MYO1D: variants seen among roughly 807,000 people sequenced by gnomAD.
The protein encoded by MYO1D is myosin ID, also known as unconventional myosin-Id.
Under a neutral mutation model 122.0 loss-of-function variants are expected in MYO1D, and 83 were observed. That is an observed-to-expected ratio of 0.68 (90% CI 0.57 to 0.82). The LOEUF is 0.82. MYO1D is among the 40% of genes least tolerant of loss of function. The pLI, the probability that MYO1D is intolerant of heterozygous loss-of-function variation, is 0.00. For missense variants in MYO1D, 1,157 were observed against 1,269.5 expected (o/e 0.91, Z 1.35); for synonymous variants, 464 against 446.9 (o/e 1.04, Z -0.48).
intron 16 of MYO1D, among the ~76,000 whole-genome samples, chr17:32,706,159 G>GT (rs1567958260): frequency 6.6e-6 from 1 of 152,182 alleles, no homozygotes; most frequent in East Asian, 1.9e-4. Context: ...CCAGGCTGGA[G>GT]TGCAGTGGCA....
intron 21 of MYO1D, among the ~76,000 whole-genome samples, chr17:32,564,913 T>C (rs1234641451): frequency 6.6e-6 from 1 of 152,240 alleles, no homozygotes; most frequent in Non-Finnish European, 1.5e-5. Flanking sequence ...CATCTCACAA[T>C]TACGTTAAAC....
intron 20 of MYO1D, among the ~76,000 whole-genome samples, chr17:32,622,704 G>A (rs2087868690): frequency 6.6e-6 from 1 of 152,198 alleles, no homozygotes; most frequent in Non-Finnish European, 1.5e-5. Flanking sequence ...GACTTCATCC[G>A]ACTCTGATTT....
At chr17:32,565,246 C>T (rs953879163) in intron 21 of MYO1D, among the ~76,000 whole-genome samples, 8 of 152,216 alleles carry the variant, frequency 5.3e-5, no homozygotes, top group African/African-American at 1.9e-4. Context: ...TCAGGTGATC[C>T]TCCTGCCTCG....
chr17:32,543,384 G>A (rs897855830), intron 21 of MYO1D, among the ~76,000 whole-genome samples: 7 of 151,062 alleles, frequency 4.6e-5, no homozygotes, highest in Non-Finnish European at 7.4e-5. Flanking sequence ...AGACCATCCT[G>A]GCTAACACGG....
intron 16 of MYO1D, among the ~76,000 whole-genome samples, chr17:32,668,559 T>C (rs1285297245): frequency 6.6e-6 from 1 of 152,200 alleles, no homozygotes; most frequent in Non-Finnish European, 1.5e-5. Context: ...GTTCTAAAAG[T>C]ACATTCTGGA....
intron 17 of MYO1D, among the ~76,000 whole-genome samples, chr17:32,656,612 C>A (rs2088480113): frequency 6.6e-6 from 1 of 152,176 alleles, no homozygotes; most frequent in Non-Finnish European, 1.5e-5. Flanking sequence ...AAAGCAACAA[C>A]CATGAAGAAG....
intron 21 of MYO1D, among the ~76,000 whole-genome samples, chr17:32,596,688 C>T (rs975790920): frequency 3.3e-5 from 5 of 152,210 alleles, no homozygotes; most frequent in African/African-American, 1.2e-4. Context: ...TGGCTTGCAT[C>T]CACAGAAAGA....
chr17:32,672,967 T>C (rs946551025), intron 16 of MYO1D, among the ~76,000 whole-genome samples: 2 of 151,958 alleles, frequency 1.3e-5, no homozygotes, highest in East Asian at 1.9e-4. Flanking sequence ...CCAAACTATA[T>C]ACATATTGAA....
chr17:32,798,295 G>T (rs1206877905), intron 1 of MYO1D, among the ~76,000 whole-genome samples: 1 of 152,184 alleles, frequency 6.6e-6, no homozygotes. Flanking sequence ...GGCTTTCCTC[G>T]TCAGAAGTCT....
intron 19 of MYO1D, among the ~76,000 whole-genome samples, chr17:32,640,322 C>A (rs931434192): frequency 6.6e-6 from 1 of 152,156 alleles, no homozygotes; most frequent in South Asian, 2.1e-4. Flanking sequence ...ATTTTTCTTT[C>A]TTTTTTTCTT....
chr17:32,579,711 C>T (rs1461369198), intron 21 of MYO1D, among the ~76,000 whole-genome samples: 1 of 152,170 alleles, frequency 6.6e-6, no homozygotes, highest in East Asian at 1.9e-4. Flanking sequence ...CTTCCTGCTC[C>T]TATGGTTTGT....
intron 21 of MYO1D, among the ~76,000 whole-genome samples, chr17:32,555,732 G>C (rs1359847806): frequency 6.6e-6 from 1 of 152,114 alleles, no homozygotes; most frequent in Non-Finnish European, 1.5e-5. Context: ...GCCCACAATA[G>C]CCACACCCCT....
chr17:32,563,575 T>G (rs1023558511), intron 21 of MYO1D, among the ~76,000 whole-genome samples: 3 of 152,216 alleles, frequency 2.0e-5, no homozygotes, highest in African/African-American at 7.2e-5. Flanking sequence ...GATTGATCTG[T>G]GTGTGCTTCA....
chr17:32,665,825 G>A (rs982119444), intron 16 of MYO1D, among the ~76,000 whole-genome samples: 1 of 152,160 alleles, frequency 6.6e-6, no homozygotes, highest in Non-Finnish European at 1.5e-5. Context: ...TGATTAGGTT[G>A]GGAGTAGCCA....
At position 32,860,180 on chromosome 17, in the gene MYO1D, CA is replaced by C. The variant is rs201937594; in HGVS notation, c.95+16597del. Among the ~76,000 whole-genome samples the C allele has an allele frequency of 5.5e-3, 842 of 152,280 alleles. 23 individuals are homozygous for C. Among genetic ancestry groups the C allele is most frequent in the Admixed American group, 0.052 (791 of 15,290 alleles). On this transcript the variant is annotated intron_variant, in intron 1 of 21. Coordinates refer to ENST00000318217, the MANE Select transcript of MYO1D (RefSeq NM_015194.3). ...CCACCAGCTGAGGATGAAACCAGCA[CA>C]AGAAGGGCAAAACCAAGGGAATCAC...
chr17:32,796,845 T>C (rs912016849), intron 1 of MYO1D, among the ~76,000 whole-genome samples: 1 of 152,198 alleles, frequency 6.6e-6, no homozygotes, highest in Non-Finnish European at 1.5e-5. Context: ...CCTTACATGG[T>C]ACTGAGGTAT....
At chr17:32,716,435 C>A (rs779441408) in intron 15 of MYO1D, among the ~76,000 whole-genome samples, 17 of 152,076 alleles carry the variant, frequency 1.1e-4, no homozygotes, top group Non-Finnish European at 2.4e-4. Flanking sequence ...TTGTTTTGTT[C>A]CCCACTATAT....
intron 16 of MYO1D, among the ~76,000 whole-genome samples, chr17:32,698,965 T>A (rs1042064544): frequency 6.6e-6 from 1 of 152,168 alleles, no homozygotes. Flanking sequence ...ACATTTATTT[T>A]ATTTTAATTT....
At chr17:32,647,927 C>T (rs757777097) in intron 19 of MYO1D, among the ~76,000 whole-genome samples, 1 of 152,084 alleles carries the variant, frequency 6.6e-6, no homozygotes, top group Non-Finnish European at 1.5e-5. Context: ...CCCTATCACA[C>T]TGAGGACTGG....
Sources: allele counts gnomAD v4.1 joint callset (sites outside exome capture counted in the v4.1 genomes callset), GRCh38; gene constraint gnomAD v4.1.1; transcripts MANE v1.5; gene names NCBI Gene and HGNC (gene_info 2026-07-23, HGNC 2026-07-21).